The following CSRP3 variants were observed in gnomAD, a reference collection of about 807,000 sequenced individuals.
CSRP3 encodes the protein cysteine and glycine rich protein 3, also known as cysteine and glycine-rich protein 3.
A neutral mutation model predicts 24.3 loss-of-function variants in CSRP3; 24 were observed. The observed-to-expected ratio is 0.99, with a 90% CI of 0.71 to 1.39. The LOEUF (loss-of-function observed/expected upper bound fraction) is 1.39, where lower values mean the gene tolerates loss of function less well. CSRP3 is among the 40% of genes most tolerant of loss of function. The pLI, the probability that CSRP3 is intolerant of heterozygous loss-of-function variation, is 0.00. For synonymous variants in CSRP3, 105 were observed against 94.0 expected, an observed-to-expected ratio of 1.12 and a Z score of -0.68; for missense variants, 240 against 249.0, an observed-to-expected ratio of 0.96 and a Z score of 0.24.
At chr11:19,193,376 A>G (rs540626593) in intron 1 of CSRP3, among the ~76,000 whole-genome samples, 80 of 152,338 alleles carry the variant, frequency 5.3e-4, no homozygotes, top group Non-Finnish European at 1.1e-3. Flanking sequence ...GAGCCAGACC[A>G]TGGTGCTGAC....
chr11:19,193,836 TA>T (rs1850653408), intron 1 of CSRP3, among the ~76,000 whole-genome samples: 1 of 152,172 alleles, frequency 6.6e-6, no homozygotes, highest in Non-Finnish European at 1.5e-5. Flanking sequence ...AATAAATAAA[TA>T]AAATAGTAAT....
intron 3 of CSRP3, 80 bp from the exon 4 acceptor site, chr11:19,186,428 AC>A: frequency 5.8e-6 from 9 of 1,555,806 alleles, no homozygotes; most frequent in Non-Finnish European, 8.0e-6. Context: ...TGAGAAAGTG[AC>A]CTCACTTCCG....
At chr11:19,193,542 A>G (rs1034522890) in intron 1 of CSRP3, among the ~76,000 whole-genome samples, 3 of 152,382 alleles carry the variant, frequency 2.0e-5, no homozygotes, top group Non-Finnish European at 2.9e-5. Context: ...TATTTTTAGT[A>G]GAGACGGGGT....
chr11:19,188,265 G>C lies in CSRP3; in HGVS notation c.152C>G (p.Ala51Gly), dbSNP rs397516853. The change falls in exon 3 of 6, where the codon GCT becomes GGT. Residue 51 changes from alanine to glycine, a missense_variant. Transcript: ENST00000265968. ...CTTGCAGTAGATCTCCGACTCATGA[G>C]CCGCGACTGTCGTGCTGTCAAGAGC... ...RKALDSTTVA[A>G]HESEIYCKVC... 3 of 1,612,866 alleles carry C rather than the reference G, an allele frequency of 1.9e-6. No individual in the cohort carries two copies. In the South Asian group the frequency reaches 3.3e-5, roughly 18 times the overall value.
intron 1 of CSRP3, among the ~76,000 whole-genome samples, chr11:19,201,232 T>C (rs1408150954): frequency 6.6e-6 from 1 of 152,248 alleles, no homozygotes; most frequent in Non-Finnish European, 1.5e-5. Context: ...GAGCTTTTAA[T>C]ATATTTCAAC....
chr11:19,196,337 G>A (rs762247688), intron 1 of CSRP3, among the ~76,000 whole-genome samples: 2 of 152,126 alleles, frequency 1.3e-5, no homozygotes, highest in East Asian at 1.9e-4. Context: ...CCTTGAACTC[G>A]GGTAAAAAAT....
intron 2 of CSRP3, among the ~76,000 whole-genome samples, chr11:19,190,664 G>A (rs1850598774): frequency 6.6e-6 from 1 of 152,176 alleles, no homozygotes; most frequent in South Asian, 2.1e-4. Flanking sequence ...GAAGTCAGGG[G>A]AACACTGGCC....
In CSRP3 at chr11:19,188,380, CGGGGCCAGAGACCCAGCATGA is replaced by C. The variant is rs1565051693; in HGVS notation, c.113-97_113-77del. ...TTCTTTGCACTCCCAATGCCATGCTCGGGGCCAGAGACCCAGCATGAGGGGCCCCTGAGCCAAGAATACAAT... is the reference window on the plus strand; with the variant it reads ...TTCTTTGCACTCCCAATGCCATGCTCGGGGCCCCTGAGCCAAGAATACAAT... On this transcript the variant is annotated intron_variant, in intron 2 of 5. Coordinates refer to ENST00000265968, the MANE Select transcript of CSRP3 (RefSeq NM_003476.5). 4 of 1,532,762 alleles carry C rather than the reference CGGGGCCAGAGACCCAGCATGA, an allele frequency of 2.6e-6. No homozygotes were observed. The East Asian group carries it at 9.0e-5, about 34-fold the overall frequency. The allele number at this position is 1,532,762 out of a possible 1,614,324, so 94.9% of individuals were successfully genotyped here.
chr11:19,187,983 T>C (rs1312067683), intron 3 of CSRP3, among the ~76,000 whole-genome samples, 153 bp downstream of exon 3: 7 of 152,204 alleles, frequency 4.6e-5, no homozygotes, highest in African/African-American at 1.7e-4. Context: ...TGACACATTG[T>C]TCAAACTTGG....
At chr11:19,186,633 G>GT (rs1179808478) in intron 3 of CSRP3, among the ~76,000 whole-genome samples, 3 of 152,232 alleles carry the variant, frequency 2.0e-5, no homozygotes, top group African/African-American at 7.2e-5. Context: ...CTTAGCAAAT[G>GT]TTCTAGTTAT....
intron 4 of CSRP3, 131 bp from the exon 5 acceptor site, chr11:19,185,176 AT>A (rs1850505087): frequency 1.4e-6 from 1 of 735,890 alleles, no homozygotes; most frequent in Non-Finnish European, 2.4e-6. Context: ...GGGCCCCATA[AT>A]TTCTCCAGGG....
intron 2 of CSRP3, 37 bp downstream of exon 2, chr11:19,192,300 G>A (rs766815585): frequency 2.9e-6 from 4 of 1,402,200 alleles, no homozygotes; most frequent in Admixed American, 3.4e-5. Flanking sequence ...ATGCTGTCCG[G>A]ATGCTGAGGG....
At chr11:19,189,485 G>A (rs907480635) in intron 2 of CSRP3, among the ~76,000 whole-genome samples, 1 of 152,164 alleles carries the variant, frequency 6.6e-6, no homozygotes, top group East Asian at 1.9e-4. Context: ...TAATATGTGT[G>A]CATTAAATGT....
intron 3 of CSRP3, among the ~76,000 whole-genome samples, chr11:19,187,187 C>T (rs761899693): frequency 7.9e-5 from 12 of 152,206 alleles, no homozygotes; most frequent in Non-Finnish European, 1.6e-4. Context: ...ATGTTTTCTT[C>T]CTTAACAAGA....
At chr11:19,189,418 G>C (rs1353054808) in intron 2 of CSRP3, among the ~76,000 whole-genome samples, 1 of 152,114 alleles carries the variant, frequency 6.6e-6, no homozygotes, top group Non-Finnish European at 1.5e-5. Context: ...GATTCTTAAA[G>C]GTTGTTTATA....
At chr11:19,197,191 A>G (rs1228049711) in intron 1 of CSRP3, among the ~76,000 whole-genome samples, 2 of 152,262 alleles carry the variant, frequency 1.3e-5, no homozygotes, top group South Asian at 4.1e-4. Context: ...AAGTACTGTC[A>G]TATCATTCTG....
intron 2 of CSRP3, among the ~76,000 whole-genome samples, chr11:19,190,847 CA>C (rs1426733797): frequency 2.0e-5 from 3 of 152,198 alleles, no homozygotes; most frequent in African/African-American, 7.2e-5. Context: ...ATCCTCATCC[CA>C]TCAAAGGGTT....
intron 1 of CSRP3, among the ~76,000 whole-genome samples, chr11:19,194,529 A>G (rs2133518852): frequency 6.6e-6 from 1 of 152,188 alleles, no homozygotes; most frequent in South Asian, 2.1e-4. Flanking sequence ...CCCCCAAAAA[A>G]TTACCCTGGT....
rs1373583933 is a variant in CSRP3, at chr11:19,182,508, A to C, written c.*162T>G. On this transcript the variant is annotated 3_prime_UTR_variant, in exon 6 of 6. Transcript: ENST00000265968. ...TTAAACTTTACATAATTTTCTTCCA[A>C]AGGCCTCTTCTAACATTCAGTAAAG... 1.4e-6 allele frequency: 1 copy of C among 702,910 alleles called. No individual in the cohort carries two copies. Among genetic ancestry groups the C allele is most frequent in the Non-Finnish European group, 2.6e-6 (1 of 385,512 alleles). The allele number at this position is 702,910 out of a possible 1,614,324, so 43.5% of individuals were successfully genotyped here. A position where few individuals can be genotyped will look rare whatever the true frequency, so the allele number is the denominator to read the frequency against.
Sources: allele counts gnomAD v4.1 joint callset (sites outside exome capture counted in the v4.1 genomes callset), GRCh38; gene constraint gnomAD v4.1.1; transcripts MANE v1.5; gene names NCBI Gene and HGNC (gene_info 2026-07-23, HGNC 2026-07-21).